LRIG3: variants seen among roughly 807,000 people sequenced by gnomAD.
LRIG3 encodes the protein leucine rich repeats and immunoglobulin like domains 3.
LRIG3 carries 76 observed loss-of-function variants against 114.5 expected under a neutral mutation model. That is an observed-to-expected ratio of 0.66 (90% CI 0.55 to 0.80). LRIG3 has a LOEUF of 0.80. LRIG3 is among the 30% of genes least tolerant of loss of function. The pLI is 0.00. For missense variants in LRIG3, 1,239 were observed against 1,382.8 expected (o/e 0.90, Z 1.65); for synonymous variants, 512 against 519.8 (o/e 0.98, Z 0.20).
intron 3 of LRIG3, among the ~76,000 whole-genome samples, chr12:58,897,996 C>A (rs1410117338): frequency 6.6e-6 from 1 of 152,110 alleles, no homozygotes; most frequent in African/African-American, 2.4e-5. Flanking sequence ...GGGTACAAGA[C>A]CCCAGAGTGA....
chr12:58,897,636 C>T (rs1042665765), intron 3 of LRIG3, among the ~76,000 whole-genome samples: 9 of 152,280 alleles, frequency 5.9e-5, no homozygotes, highest in African/African-American at 2.2e-4. Flanking sequence ...GCCCCATTCA[C>T]ACCACATACA....
Position 58,910,666 on chromosome 12 carries a change from C to T in LRIG3, c.383+3316G>A, listed in dbSNP as rs1056610353. On this transcript the variant is annotated intron_variant, in intron 3 of 18. Coordinates refer to ENST00000320743, the MANE Select transcript of LRIG3 (RefSeq NM_153377.5). ...GTACCCTAGGTGCCTCTTTGACAGT[C>T]ACTGACCTAACATTCTTCAACTCTA... Among the ~76,000 whole-genome samples the T allele has an allele frequency of 3.6e-4, 55 of 152,258 alleles. 1 individual carries two copies. Among genetic ancestry groups the T allele is most frequent in the African/African-American group, 1.3e-3 (53 of 41,570 alleles).
At chr12:58,919,646 G>T in intron 1 of LRIG3, 11 of 1,389,564 alleles carry the variant, frequency 7.9e-6, no homozygotes, top group Non-Finnish European at 1.1e-5. Context: ...TGTGCAGGTT[G>T]CCGCTTATCT....
At chr12:58,914,999 T>C (rs1872424166) in intron 1 of LRIG3, among the ~76,000 whole-genome samples, 1 of 152,218 alleles carries the variant, frequency 6.6e-6, no homozygotes, top group Non-Finnish European at 1.5e-5. Context: ...CAGATTTCAA[T>C]CATTAAAATA....
intron 3 of LRIG3, among the ~76,000 whole-genome samples, chr12:58,907,358 C>A (rs1294425115): frequency 6.6e-6 from 1 of 152,302 alleles, no homozygotes; most frequent in South Asian, 2.1e-4. Flanking sequence ...GAGTACCCAC[C>A]AAAATTATTA....
At chr12:58,915,978 A>C (rs1299946721) in intron 1 of LRIG3, among the ~76,000 whole-genome samples, 1 of 152,238 alleles carries the variant, frequency 6.6e-6, no homozygotes, top group Non-Finnish European at 1.5e-5. Flanking sequence ...GAGCCAGCGT[A>C]AAACTGCATC....
At chr12:58,917,120 T>C (rs1387792739) in intron 1 of LRIG3, among the ~76,000 whole-genome samples, 1 of 152,132 alleles carries the variant, frequency 6.6e-6, no homozygotes, top group Non-Finnish European at 1.5e-5. Context: ...CCATAAGGAC[T>C]ATTACCCCCA....
chr12:58,911,982 G>GT (rs1281200565), intron 3 of LRIG3, among the ~76,000 whole-genome samples: 1 of 152,142 alleles, frequency 6.6e-6, no homozygotes, highest in Non-Finnish European at 1.5e-5. Flanking sequence ...CACATTGGAT[G>GT]TATCATTATG....
intron 1 of LRIG3, among the ~76,000 whole-genome samples, chr12:58,917,010 A>G (rs1872503568): frequency 6.6e-6 from 1 of 152,212 alleles, no homozygotes. Context: ...ACAAAAAGCC[A>G]GGCTATAGCT....
intron 1 of LRIG3, among the ~76,000 whole-genome samples, chr12:58,915,267 T>C (rs1043710884): frequency 3.3e-5 from 5 of 152,226 alleles, no homozygotes; most frequent in African/African-American, 1.2e-4. Context: ...AAAACCGGGA[T>C]AACAAATAGT....
Position 58,877,679 on chromosome 12 carries a change from T to C in LRIG3, c.2257A>G (p.Ile753Val). ...HFFAAGNQLL[I>V]IVDSDVSDAG... ...TCACTGACATCTGAGTCCACAATAA[T>C]CAGAAGCTGATTGCCTGCTGCAAAA... The change falls in exon 15 of 19, where the codon ATT becomes GTT. Residue 753 changes from isoleucine (I) to valine (V), a missense_variant. By Grantham distance (29) the Ile-to-Val change is conservative. Coordinates refer to ENST00000320743, the MANE Select transcript of LRIG3 (RefSeq NM_153377.5). 6.2e-7 allele frequency: 1 copy of C among 1,614,072 alleles called. No individual in the cohort carries two copies. The highest frequency in any genetic ancestry group is 8.5e-7 in the Non-Finnish European group (1 of 1,180,026).
At position 58,890,085 on chromosome 12, in the gene LRIG3, C is replaced by T; in HGVS notation, c.570G>A (p.Leu190=). 1.2e-6 allele frequency: 2 copies of T among 1,613,776 alleles called. No homozygotes were observed. Among genetic ancestry groups the T allele is most frequent in the South Asian group, 2.2e-5 (2 of 91,032 alleles). ...GCTTTAACACAAGGAGTGTGTTGGC[C>T]AAATTGTCAAAATACCCAGGTTCCA... The part of the protein sequence containing the change: ...TSMEPGYFDN[L]ANTLLVLKLN... Residue 190 remains leucine (L), a synonymous_variant, in exon 5 of 19, where the codon TTG becomes TTA. Transcript: ENST00000320743.
chr12:58,889,786 C>T lies in LRIG3; in HGVS notation c.659+210G>A, dbSNP rs531445781. ...GTTCACTCTTTCAGTAACAATCTAA[C>T]GTGTCTTGTCAAGCAGCAGCTGGCA... On this transcript the variant is annotated intron_variant, in intron 5 of 18. Coordinates refer to ENST00000320743, the MANE Select transcript of LRIG3 (RefSeq NM_153377.5). 6.9e-4 allele frequency among the ~76,000 whole-genome samples: 105 copies of T among 152,034 alleles called. 1 individual carries two copies. The highest frequency in any genetic ancestry group is 2.4e-3 in the African/African-American group (100 of 41,468).
chr12:58,897,804 T>G (rs1175610504), intron 3 of LRIG3, among the ~76,000 whole-genome samples: 1 of 152,236 alleles, frequency 6.6e-6, no homozygotes, highest in African/African-American at 2.4e-5. Flanking sequence ...GACTCTACTT[T>G]GATTTAGTAA....
In LRIG3 at chr12:58,913,278, G is replaced by C. The variant is rs1346494044; in HGVS notation, c.383+704C>G. Among the ~76,000 whole-genome samples the C allele has an allele frequency of 2.6e-5, 4 of 152,120 alleles. No individual in the cohort carries two copies. The East Asian group carries it at 7.7e-4, about 29-fold the overall frequency. Reference sequence around the variant, plus strand: ...TAAGATTAAGGTGGTAAGCTAATTAGATTTTAGAAATTAAACCACAGGCAT... The same window carrying C: ...TAAGATTAAGGTGGTAAGCTAATTACATTTTAGAAATTAAACCACAGGCAT... On this transcript the variant is annotated intron_variant, in intron 3 of 18. Coordinates refer to ENST00000320743, the MANE Select transcript of LRIG3 (RefSeq NM_153377.5).
Position 58,874,415 on chromosome 12 carries a change from A to G in LRIG3, c.2839+15T>C, listed in dbSNP as rs1565612612. ...CTAAGAAACAGAACTGTACTCAAGCAAGAAAACCACCTACCTGTATGATAT... is the reference window on the plus strand; with the variant it reads ...CTAAGAAACAGAACTGTACTCAAGCGAGAAAACCACCTACCTGTATGATAT... On this transcript the variant is annotated intron_variant, in intron 17 of 18. Transcript: ENST00000320743. 6.2e-7 allele frequency: 1 copy of G among 1,613,944 alleles called. No homozygotes were observed. Among genetic ancestry groups the G allele is most frequent in the African/African-American group, 1.3e-5 (1 of 75,028 alleles).
In LRIG3 at chr12:58,888,929, A is replaced by G; in HGVS notation, c.693T>C (p.Asp231=). The G allele has an allele frequency of 6.2e-7, 1 of 1,613,768 alleles. No homozygotes were observed. Among genetic ancestry groups the G allele is most frequent in the Non-Finnish European group, 8.5e-7 (1 of 1,179,794 alleles). ...ELNRNKIKNV[D]GLTFQGLGAL... is the part of the protein sequence containing the mutation. Reference sequence around the variant, plus strand: ...CACCAAGGCCTTGGAATGTCAGTCCATCTACATTTTTAATCTTGTTTCGGT... The same window carrying G: ...CACCAAGGCCTTGGAATGTCAGTCCGTCTACATTTTTAATCTTGTTTCGGT... The change falls in exon 6 of 19, where the codon GAT becomes GAC. Residue 231 remains aspartate (D), a synonymous_variant. Transcript: ENST00000320743.
intron 13 of LRIG3, 174 bp downstream of exon 13, chr12:58,880,407 T>A: frequency 1.3e-6 from 1 of 741,252 alleles, no homozygotes; most frequent in Non-Finnish European, 2.4e-6. Context: ...TAATTGCAGG[T>A]TTAGATACAA....
chr12:58,903,444 C>G (rs12367213), intron 3 of LRIG3, among the ~76,000 whole-genome samples: 5,291 of 152,140 alleles, frequency 0.035, 148 homozygotes, highest in Non-Finnish European at 0.051. Context: ...TGTTTGAGTT[C>G]ATTGTGGATT....
Sources: gnomAD v4.1 joint callset for allele counts (sites outside exome capture counted in the v4.1 genomes callset) on GRCh38, gnomAD v4.1.1 for gene constraint, MANE v1.5 for transcripts, NCBI Gene and HGNC (gene_info 2026-07-23, HGNC 2026-07-21) for gene names.